BTG4: variants seen among roughly 807,000 people sequenced by gnomAD.
The protein encoded by BTG4 is BTG anti-proliferation factor 4.
BTG4 carries 10 observed loss-of-function variants against 19.3 expected under a neutral mutation model. The observed-to-expected ratio is 0.52, with a 90% CI of 0.32 to 0.88. The LOEUF (loss-of-function observed/expected upper bound fraction) is 0.88, where lower values mean the gene tolerates loss of function less well. Among genes scored for constraint, BTG4 ranks in the 40% least tolerant of loss-of-function variants. The pLI, the probability that BTG4 is intolerant of heterozygous loss-of-function variation, is 0.04. For missense variants in BTG4, 238 were observed against 281.9 expected, an observed-to-expected ratio of 0.84 and a Z score of 1.11; for synonymous variants, 91 against 95.7, an observed-to-expected ratio of 0.95 and a Z score of 0.29.
downstream of BTG4, among the ~76,000 whole-genome samples, chr11:111,491,318 A>G (rs1034574124): frequency 1.3e-5 from 2 of 152,222 alleles, no homozygotes; most frequent in African/African-American, 4.8e-5. Context: ...AGCAATGTCA[A>G]TATCTGGTTG....
the BTG4 span, among the ~76,000 whole-genome samples, chr11:111,395,473 G>A: frequency 9.8e-5 from 15 of 152,314 alleles, no homozygotes; most frequent in Admixed American, 2.6e-4. Flanking sequence ...GATCAGCACC[G>A]TCACCCCTGT....
chr11:111,397,212 A>G, the BTG4 span, among the ~76,000 whole-genome samples: 3 of 152,324 alleles, frequency 2.0e-5, 1 homozygote, highest in Admixed American at 6.5e-5. Flanking sequence ...AATGCAGCCA[A>G]GAGATTTATG....
chr11:111,407,682 CA>C, the BTG4 span, among the ~76,000 whole-genome samples: 2 of 152,226 alleles, frequency 1.3e-5, no homozygotes, highest in Non-Finnish European at 2.9e-5. Context: ...AAAATAAAAG[CA>C]TAATAGTCAC....
At chr11:111,433,974 T>C in the BTG4 span, among the ~76,000 whole-genome samples, 5 of 152,208 alleles carry the variant, frequency 3.3e-5, no homozygotes, top group African/African-American at 1.2e-4. Context: ...AGTTCAACCA[T>C]TGTGGAAGAC....
the BTG4 span, among the ~76,000 whole-genome samples, chr11:111,391,954 C>T: frequency 2.0e-5 from 3 of 152,114 alleles, no homozygotes; most frequent in Non-Finnish European, 2.9e-5. Context: ...CTGAAAGCTT[C>T]GTGTCTCTGC....
chr11:111,430,893 T>C, the BTG4 span, among the ~76,000 whole-genome samples: 1 of 152,204 alleles, frequency 6.6e-6, no homozygotes, highest in African/African-American at 2.4e-5. Flanking sequence ...AATGCAACCC[T>C]TCACATACGG....
chr11:111,513,975 C>G (rs1867123210), upstream of BTG4: 1 of 153,584 alleles, frequency 6.5e-6, no homozygotes, highest in Non-Finnish European at 1.4e-5. Flanking sequence ...GTAATCTTAA[C>G]TTTTCTATCA....
At chr11:111,403,667 T>G in the BTG4 span, among the ~76,000 whole-genome samples, 1 of 152,194 alleles carries the variant, frequency 6.6e-6, no homozygotes, top group African/African-American at 2.4e-5. Context: ...GGGTGACAAA[T>G]TAAGCCACTC....
downstream of BTG4, among the ~76,000 whole-genome samples, chr11:111,490,346 T>C (rs1326651872): frequency 6.6e-6 from 1 of 151,770 alleles, no homozygotes; most frequent in Admixed American, 6.6e-5. Flanking sequence ...TGATCAACGC[T>C]TGAGGTGATG....
At chr11:111,475,822 TCA>T (rs1292628315) in intron 5 of BTG4, among the ~76,000 whole-genome samples, 2 of 152,138 alleles carry the variant, frequency 1.3e-5, no homozygotes, top group African/African-American at 4.8e-5. Context: ...TTTAATTGAC[TCA>T]CAGTCCCACA....
the BTG4 span, among the ~76,000 whole-genome samples, chr11:111,429,938 GT>G: frequency 8.9e-5 from 11 of 124,254 alleles, no homozygotes; most frequent in African/African-American, 3.4e-4. Flanking sequence ...TGTTGTTGGT[GT>G]TTTTTGTTTT....
At chr11:111,387,900 A>G in the BTG4 span, among the ~76,000 whole-genome samples, 1 of 151,580 alleles carries the variant, frequency 6.6e-6, no homozygotes, top group Non-Finnish European at 1.5e-5. Flanking sequence ...CTTCTTTGCC[A>G]TTACTGAGCA....
the BTG4 span, among the ~76,000 whole-genome samples, chr11:111,443,923 G>T: frequency 6.6e-6 from 1 of 152,218 alleles, no homozygotes; most frequent in African/African-American, 2.4e-5. Context: ...TGCAGAGTGG[G>T]GAGTAAGAAA....
At chr11:111,402,606 G>A in the BTG4 span, among the ~76,000 whole-genome samples, 1 of 152,200 alleles carries the variant, frequency 6.6e-6, no homozygotes, top group East Asian at 1.9e-4. Flanking sequence ...TTCGATGGAT[G>A]AATGGAACAA....
At chr11:111,461,172 C>G in the BTG4 span, among the ~76,000 whole-genome samples, 2 of 152,178 alleles carry the variant, frequency 1.3e-5, no homozygotes, top group African/African-American at 4.8e-5. Context: ...CCCATACATT[C>G]TCAGTCTGGT....
the BTG4 span, among the ~76,000 whole-genome samples, chr11:111,429,002 G>T: frequency 6.6e-6 from 1 of 152,146 alleles, no homozygotes; most frequent in Non-Finnish European, 1.5e-5. Flanking sequence ...CCCCATTCAC[G>T]AATTTGTCCC....
At chr11:111,485,978 T>C (rs747487013) in intron 5 of BTG4, among the ~76,000 whole-genome samples, 7 of 152,108 alleles carry the variant, frequency 4.6e-5, no homozygotes, top group Non-Finnish European at 1.0e-4. Flanking sequence ...ATCAATAAAT[T>C]GGAAAACCTA....
the BTG4 span, among the ~76,000 whole-genome samples, chr11:111,413,774 G>A: frequency 6.6e-6 from 1 of 152,236 alleles, no homozygotes; most frequent in African/African-American, 2.4e-5. Flanking sequence ...GGAAGGCTCA[G>A]CAGTAGGTTC....
chr11:111,497,889 C>T, intron 3 of BTG4, 109 bp downstream of exon 3: 1 of 1,218,782 alleles, frequency 8.2e-7, no homozygotes, highest in Non-Finnish European at 1.1e-6. Flanking sequence ...AGAAGTATCC[C>T]TGCTGCCAAC....
Sources: gnomAD v4.1 joint callset for allele counts (sites outside exome capture counted in the v4.1 genomes callset) on GRCh38, gnomAD v4.1.1 for gene constraint, MANE v1.5 for transcripts, NCBI Gene and HGNC (gene_info 2026-07-23, HGNC 2026-07-21) for gene names.